The following KCNIP4 variants were observed in gnomAD, a reference collection of about 807,000 sequenced individuals.
The protein encoded by KCNIP4 is potassium voltage-gated channel interacting protein 4, also known as Kv channel-interacting protein 4.
Under a neutral mutation model 34.0 loss-of-function variants are expected in KCNIP4, and 12 were observed. The ratio of observed to expected loss-of-function variants is 0.35; its 90% CI spans 0.23 to 0.57. The LOEUF is 0.57. KCNIP4 is among the 20% of genes least tolerant of loss of function. The pLI, the probability that KCNIP4 is intolerant of heterozygous loss-of-function variation, is 0.83. For missense variants in KCNIP4, 238 were observed against 311.7 expected (o/e 0.76, Z 1.78); for synonymous variants, 124 against 102.2 (o/e 1.21, Z -1.29).
At chr4:21,683,264 A>T (rs1750529243) in intron 1 of KCNIP4, among the ~76,000 whole-genome samples, 1 of 151,994 alleles carries the variant, frequency 6.6e-6, no homozygotes, top group South Asian at 2.1e-4. Flanking sequence ...CAATAAAAAC[A>T]CTTGTTACTG....
intron 1 of KCNIP4, among the ~76,000 whole-genome samples, chr4:21,393,434 A>G (rs1379179084): frequency 1.3e-5 from 2 of 152,162 alleles, no homozygotes; most frequent in African/African-American, 4.8e-5. Context: ...GGCAGAGTCT[A>G]GCTATAACTA....
rs1715774928 is a variant in KCNIP4, at chr4:21,332,672, C to A, written c.62-449963G>T. Reference sequence around the variant, plus strand: ...CTGTCTTCATCCCAAATAGATTAAACCCTTCTCTCCATTTCCTGTAATGTA... The same window carrying A: ...CTGTCTTCATCCCAAATAGATTAAAACCTTCTCTCCATTTCCTGTAATGTA... On this transcript the variant is annotated intron_variant, in intron 1 of 8. Transcript: ENST00000382152. 2.0e-5 allele frequency among the ~76,000 whole-genome samples: 3 copies of A among 151,984 alleles called. No individual in the cohort carries two copies. In the South Asian group the frequency reaches 6.2e-4, roughly 32 times the overall value.
At chr4:21,452,579 C>T (rs1728599483) in intron 1 of KCNIP4, among the ~76,000 whole-genome samples, 1 of 152,016 alleles carries the variant, frequency 6.6e-6, no homozygotes, top group South Asian at 2.1e-4. Flanking sequence ...GCACTTAAAA[C>T]AGCCCTTAGC....
At chr4:20,865,981 G>A (rs1250586148) in intron 2 of KCNIP4, among the ~76,000 whole-genome samples, 2 of 151,684 alleles carry the variant, frequency 1.3e-5, no homozygotes, top group African/African-American at 2.4e-5. Flanking sequence ...ATTTTAAAAC[G>A]TTTATACACC....
chr4:21,076,057 G>A (rs1279485539), intron 1 of KCNIP4, among the ~76,000 whole-genome samples: 1 of 151,996 alleles, frequency 6.6e-6, no homozygotes, highest in Non-Finnish European at 1.5e-5. Flanking sequence ...CTTTCTCTCT[G>A]GCTACACTTA....
At chr4:21,365,697 TG>T (rs1719703937) in intron 1 of KCNIP4, among the ~76,000 whole-genome samples, 1 of 152,108 alleles carries the variant, frequency 6.6e-6, no homozygotes, top group Non-Finnish European at 1.5e-5. Context: ...TTCCCGTTGT[TG>T]TTATTAACCT....
chr4:20,793,941 G>A (rs1268768410), intron 3 of KCNIP4, among the ~76,000 whole-genome samples: 1 of 152,112 alleles, frequency 6.6e-6, no homozygotes, highest in Non-Finnish European at 1.5e-5. Flanking sequence ...GGACCCAGTG[G>A]GAGGTAATTG....
chr4:21,837,501 T>A (rs1259656474), intron 1 of KCNIP4, among the ~76,000 whole-genome samples: 4 of 107,822 alleles, frequency 3.7e-5, no homozygotes, highest in African/African-American at 1.6e-4. Context: ...GCCATTGCAC[T>A]CCAGCCTGGG....
intron 2 of KCNIP4, among the ~76,000 whole-genome samples, chr4:20,866,286 G>A (rs953949839): frequency 6.6e-6 from 1 of 152,020 alleles, no homozygotes; most frequent in Non-Finnish European, 1.5e-5. Context: ...GAATCCAGCA[G>A]CACATCAAAA....
intron 1 of KCNIP4, among the ~76,000 whole-genome samples, chr4:21,580,432 T>C (rs1399661848): frequency 1.3e-5 from 2 of 152,100 alleles, no homozygotes; most frequent in Admixed American, 1.3e-4. Context: ...GCTCAAGATA[T>C]TTAAAAGAAA....
intron 1 of KCNIP4, among the ~76,000 whole-genome samples, chr4:21,253,202 C>A (rs1008245584): frequency 1.3e-5 from 2 of 152,176 alleles, no homozygotes; most frequent in East Asian, 3.9e-4. Flanking sequence ...CATATGAATG[C>A]ATATGCAGCC....
At chr4:21,442,922 G>C (rs555419239) in intron 1 of KCNIP4, among the ~76,000 whole-genome samples, 2 of 152,082 alleles carry the variant, frequency 1.3e-5, no homozygotes, top group Non-Finnish European at 2.9e-5. Flanking sequence ...AAACTCTTAA[G>C]GATTCATCTG....
chr4:21,234,430 A>G (rs1201969158), intron 1 of KCNIP4, among the ~76,000 whole-genome samples: 1 of 103,824 alleles, frequency 9.6e-6, no homozygotes, highest in Admixed American at 1.1e-4. Flanking sequence ...TATATATTAC[A>G]TATAACGTAT....
intron 1 of KCNIP4, among the ~76,000 whole-genome samples, chr4:21,134,414 AC>A (rs1432242477): frequency 2.6e-5 from 4 of 152,238 alleles, no homozygotes; most frequent in African/African-American, 9.6e-5. Flanking sequence ...ATGTTGATTT[AC>A]TATGTTATTG....
chr4:21,177,980 A>G (rs1033769851), intron 1 of KCNIP4, among the ~76,000 whole-genome samples: 1 of 151,998 alleles, frequency 6.6e-6, no homozygotes, highest in African/African-American at 2.4e-5. Flanking sequence ...TCAGGATTCA[A>G]CTGCTAATCT....
chr4:21,433,700 C>A (rs1048179535), intron 1 of KCNIP4, among the ~76,000 whole-genome samples: 1 of 152,136 alleles, frequency 6.6e-6, no homozygotes, highest in African/African-American at 2.4e-5. Flanking sequence ...CATGCCCCAG[C>A]CTTCTAGTCT....
At chr4:21,755,030 C>T (rs777411384) in intron 1 of KCNIP4, among the ~76,000 whole-genome samples, 2 of 152,106 alleles carry the variant, frequency 1.3e-5, no homozygotes, top group African/African-American at 2.4e-5. Flanking sequence ...GCCTGTAATC[C>T]CAGCTACTCG....
chr4:21,881,313 A>T (rs1726447227), intron 1 of KCNIP4, among the ~76,000 whole-genome samples: 1 of 152,190 alleles, frequency 6.6e-6, no homozygotes. Flanking sequence ...GAATGTAGAG[A>T]AGCCAGCTTT....
At chr4:20,794,025 A>G (rs1405297350) in intron 3 of KCNIP4, among the ~76,000 whole-genome samples, 1 of 152,140 alleles carries the variant, frequency 6.6e-6, no homozygotes, top group East Asian at 1.9e-4. Flanking sequence ...ATGGTTTTAA[A>G]AAGTAGATTT....
Sources: gnomAD v4.1 joint callset for allele counts (sites outside exome capture counted in the v4.1 genomes callset) on GRCh38, gnomAD v4.1.1 for gene constraint, MANE v1.5 for transcripts, NCBI Gene and HGNC (gene_info 2026-07-23, HGNC 2026-07-21) for gene names.